The following GALNT13 variants were observed in gnomAD, a reference collection of about 807,000 sequenced individuals.
GALNT13 encodes polypeptide N-acetylgalactosaminyltransferase 13, also known as UDP-GalNAc:polypeptide N-acetylgalactosaminyltransferase 13.
GALNT13 carries 28 observed loss-of-function variants against 64.2 expected under a neutral mutation model. That is an observed-to-expected ratio of 0.44 (90% CI 0.32 to 0.60). The LOEUF is 0.60. Among genes scored for constraint, GALNT13 ranks in the 20% least tolerant of loss-of-function variants. The pLI is 0.05. For synonymous variants in GALNT13, 214 were observed against 224.6 expected (o/e 0.95, Z 0.42); for missense variants, 577 against 669.8 (o/e 0.86, Z 1.53).
At chr2:153,166,387 G>T in the GALNT13 span, among the ~76,000 whole-genome samples, 5 of 152,298 alleles carry the variant, frequency 3.3e-5, no homozygotes, top group African/African-American at 1.2e-4. Flanking sequence ...TGGGCTGCCT[G>T]TATGGGTATA....
At chr2:154,014,196 C>T (rs1024375857) in intron 3 of GALNT13, among the ~76,000 whole-genome samples, 2 of 152,306 alleles carry the variant, frequency 1.3e-5, no homozygotes, top group South Asian at 4.1e-4. Context: ...CCACTGCAGC[C>T]ATTCCCCCGA....
At chr2:153,443,049 G>T in the GALNT13 span, among the ~76,000 whole-genome samples, 1 of 152,140 alleles carries the variant, frequency 6.6e-6, no homozygotes, top group East Asian at 1.9e-4. Flanking sequence ...CTTTCCAAGG[G>T]AGTGAACGGT....
At chr2:154,443,373 T>G (rs1277608132) in intron 12 of GALNT13, among the ~76,000 whole-genome samples, 1 of 152,116 alleles carries the variant, frequency 6.6e-6, no homozygotes, top group Non-Finnish European at 1.5e-5. Context: ...GAGTAACAAC[T>G]TTGTTATATT....
At chr2:153,079,871 T>C in the GALNT13 span, among the ~76,000 whole-genome samples, 21 of 152,308 alleles carry the variant, frequency 1.4e-4, no homozygotes, top group Admixed American at 3.3e-4. Context: ...CAAGGTGTTT[T>C]TACTATCTCT....
the GALNT13 span, among the ~76,000 whole-genome samples, chr2:153,160,063 T>TG: frequency 4.6e-5 from 7 of 152,222 alleles, no homozygotes; most frequent in Non-Finnish European, 8.8e-5. Context: ...AAGTAACAAT[T>TG]GGGAAAAAAA....
At chr2:153,400,203 C>T in the GALNT13 span, among the ~76,000 whole-genome samples, 3 of 151,312 alleles carry the variant, frequency 2.0e-5, no homozygotes, top group Admixed American at 6.6e-5. Context: ...TTGTCTTTGG[C>T]TCTGTTTATA....
At chr2:154,292,550 A>G (rs1364532792) in intron 8 of GALNT13, among the ~76,000 whole-genome samples, 2 of 152,138 alleles carry the variant, frequency 1.3e-5, no homozygotes, top group Non-Finnish European at 2.9e-5. Flanking sequence ...GTTTCATTTT[A>G]TTATCTGAGA....
chr2:153,649,380 G>A, the GALNT13 span, among the ~76,000 whole-genome samples: 10 of 151,352 alleles, frequency 6.6e-5, no homozygotes, highest in Non-Finnish European at 8.8e-5. Flanking sequence ...TTTTGCTAGC[G>A]GTCTATCAAT....
the GALNT13 span, among the ~76,000 whole-genome samples, chr2:153,306,852 T>C: frequency 1.3e-5 from 2 of 152,194 alleles, no homozygotes; most frequent in African/African-American, 2.4e-5. Context: ...TTCTCCTGCC[T>C]CAGCCTCCCA....
At chr2:153,687,476 G>A in the GALNT13 span, among the ~76,000 whole-genome samples, 1 of 151,860 alleles carries the variant, frequency 6.6e-6, no homozygotes, top group Non-Finnish European at 1.5e-5. Context: ...TATTTCTGTG[G>A]AGTCAGTGGT....
the GALNT13 span, among the ~76,000 whole-genome samples, chr2:153,298,371 G>A: frequency 0.083 from 12,575 of 152,156 alleles, 574 homozygotes; most frequent in South Asian, 0.12. Context: ...GACACCTCCT[G>A]CTCAAACCAT....
the GALNT13 span, among the ~76,000 whole-genome samples, chr2:153,488,382 G>GT: frequency 3.3e-5 from 5 of 152,104 alleles, no homozygotes; most frequent in Admixed American, 6.6e-5. Flanking sequence ...TTTAGACACT[G>GT]TTTTTTTCCT....
At chr2:154,199,925 A>C (rs1233440815) in intron 4 of GALNT13, among the ~76,000 whole-genome samples, 1 of 152,018 alleles carries the variant, frequency 6.6e-6, no homozygotes, top group Non-Finnish European at 1.5e-5. Flanking sequence ...TCAGAGATGC[A>C]TTATATCCTT....
At chr2:153,817,661 G>A in the GALNT13 span, among the ~76,000 whole-genome samples, 1 of 152,214 alleles carries the variant, frequency 6.6e-6, no homozygotes, top group South Asian at 2.1e-4. Flanking sequence ...TCTTACAGTG[G>A]CCCCTAAACT....
intron 10 of GALNT13, among the ~76,000 whole-genome samples, chr2:154,408,476 A>G (rs1333566938): frequency 6.6e-6 from 1 of 152,122 alleles, no homozygotes; most frequent in African/African-American, 2.4e-5. Flanking sequence ...TTACTCACAG[A>G]TATAAACAGT....
chr2:154,225,142 A>AGATG (rs1002035358), intron 4 of GALNT13, among the ~76,000 whole-genome samples: 1 of 125,694 alleles, frequency 8.0e-6, no homozygotes, highest in African/African-American at 3.0e-5. Flanking sequence ...ATAGATAGAT[A>AGATG]GATGACAGAT....
At chr2:153,577,974 G>C in the GALNT13 span, among the ~76,000 whole-genome samples, 1 of 151,364 alleles carries the variant, frequency 6.6e-6, no homozygotes, top group Non-Finnish European at 1.5e-5. Flanking sequence ...TATTCTAGGA[G>C]CTTTTAATCA....
At chr2:153,091,940 T>G in the GALNT13 span, among the ~76,000 whole-genome samples, 1 of 152,182 alleles carries the variant, frequency 6.6e-6, no homozygotes, top group Non-Finnish European at 1.5e-5. Flanking sequence ...TGGAGATTTT[T>G]CCCAATGTTT....
chr2:153,979,064 AT>A (rs1353822407), intron 3 of GALNT13, among the ~76,000 whole-genome samples: 1 of 152,196 alleles, frequency 6.6e-6, no homozygotes, highest in East Asian at 1.9e-4. Context: ...AGTTCTTAAT[AT>A]ATAAGAAACA....
Sources: allele counts gnomAD v4.1 joint callset (sites outside exome capture counted in the v4.1 genomes callset), GRCh38; gene constraint gnomAD v4.1.1; transcripts MANE v1.5; gene names NCBI Gene and HGNC (gene_info 2026-07-23, HGNC 2026-07-21).